CDNF: variants seen among roughly 807,000 people sequenced by gnomAD.
CDNF encodes the protein cerebral dopamine neurotrophic factor, also known as ARMET-like protein 1.
Under a neutral mutation model 14.8 loss-of-function variants are expected in CDNF, and 9 were observed. That is an observed-to-expected ratio of 0.61 (90% confidence interval 0.37 to 1.06). The LOEUF is 1.06. Among genes scored for constraint, CDNF ranks in the 50% least tolerant of loss-of-function variants. The pLI is 0.01. For synonymous variants in CDNF, 86 were observed against 87.2 expected, an observed-to-expected ratio of 0.99 and a Z score of 0.07; for missense variants, 228 against 228.4, an observed-to-expected ratio of 1.00 and a Z score of 0.01.
rs1013519611 is a variant in CDNF at position 14,828,071 on chromosome 10, C to T, written c.243+74G>A. The T allele has an allele frequency of 2.8e-5, 42 of 1,489,468 alleles. No homozygotes were observed. The African/African-American group carries it at 5.7e-4, about 20-fold the overall frequency. The allele number at this position is 1,489,468 out of a possible 1,614,324, so 92.3% of individuals were successfully genotyped here. ...GGCAAACATGTAAGTAGGAGGACTT[C>T]ACGTCTAAGAAATGAAACTATTAGC... On this transcript the variant is annotated intron_variant, in intron 2 of 3. Coordinates refer to ENST00000465530, the MANE Select transcript of CDNF (RefSeq NM_001029954.3).
rs1564312599 is a variant in CDNF, at chr10:14,823,787, A to G, written c.385+1692T>C. The stretch of plus-strand genomic sequence containing the variant: ...AATGATCCTCCTTTCTTGGCCTCCC[A>G]AAGTGCTGAGGTTACAAGTGTGAGC... On this transcript the variant is annotated intron_variant, in intron 3 of 3. Coordinates refer to ENST00000465530, the MANE Select transcript of CDNF (RefSeq NM_001029954.3). Among the ~76,000 whole-genome samples the G allele has an allele frequency of 2.0e-5, 3 of 152,196 alleles. 1 individual carries two copies. Among genetic ancestry groups the G allele is most frequent in the Admixed American group, 2.0e-4 (3 of 15,282 alleles).
chr10:14,833,150 T>C (rs968073892), intron 1 of CDNF, among the ~76,000 whole-genome samples: 3 of 152,160 alleles, frequency 2.0e-5, no homozygotes, highest in Admixed American at 1.3e-4. Context: ...TGAGCCACCA[T>C]GCCTGGCCAG....
intron 2 of CDNF, among the ~76,000 whole-genome samples, chr10:14,826,251 A>C (rs1231876202): frequency 1.3e-5 from 2 of 151,682 alleles, no homozygotes; most frequent in Non-Finnish European, 2.9e-5. Context: ...GAAGAAGCAT[A>C]AGAAGCAGTA....
At chr10:14,823,089 C>T (rs949033878) in intron 3 of CDNF, among the ~76,000 whole-genome samples, 2 of 151,304 alleles carry the variant, frequency 1.3e-5, no homozygotes, top group Non-Finnish European at 2.9e-5. Flanking sequence ...TCTCCCACAG[C>T]ACAAAGGTCC....
chr10:14,819,873 T>C lies in CDNF; in HGVS notation c.*107A>G, dbSNP rs896845068. ...AGGAATAATACCAACACAAAAAGCA[T>C]GAGACCAAATATGATGCATTCCCAG... On this transcript the variant is annotated 3_prime_UTR_variant, in exon 4 of 4. Coordinates refer to ENST00000465530, the MANE Select transcript of CDNF (RefSeq NM_001029954.3). The C allele has an allele frequency of 8.8e-7, 1 of 1,138,560 alleles. No individual in the cohort carries two copies. Among genetic ancestry groups the C allele is most frequent in the East Asian group, 2.4e-5 (1 of 40,960 alleles). The allele number at this position is 1,138,560 out of a possible 1,614,324, so 70.5% of individuals were successfully genotyped here. A position where few individuals can be genotyped will look rare whatever the true frequency, so the allele number is the denominator to read the frequency against.
intron 1 of CDNF, among the ~76,000 whole-genome samples, chr10:14,830,967 T>C (rs1833839490): frequency 6.6e-6 from 1 of 152,230 alleles, no homozygotes; most frequent in Non-Finnish European, 1.5e-5. Flanking sequence ...ATCATCCTAG[T>C]AGTGTGAATG....
intron 1 of CDNF, among the ~76,000 whole-genome samples, chr10:14,834,571 G>C (rs1411469870): frequency 6.6e-6 from 1 of 152,078 alleles, no homozygotes; most frequent in Non-Finnish European, 1.5e-5. Flanking sequence ...ATCTACATTT[G>C]ACTCACTAAA....
chr10:14,821,336 C>T (rs1001097271), intron 3 of CDNF, among the ~76,000 whole-genome samples: 10 of 152,186 alleles, frequency 6.6e-5, no homozygotes, highest in African/African-American at 2.4e-4. Context: ...GTTGGCAAAG[C>T]TGATCTTGAA....
At position 14,837,851 on chromosome 10, in the gene CDNF, C is replaced by T; in HGVS notation, c.96G>A (p.Arg32=). ...VLTQGQEAGG[R]PGADCEVCKE... ...GCTCACCTTCACAGTCGGCCCCTGG[C>T]CGCCCCCCGGCCTCCTGGCCCTGCG... Residue 32 remains arginine (R), a synonymous_variant, in exon 1 of 4, where the codon CGG becomes CGA. Coordinates refer to ENST00000465530, the MANE Select transcript of CDNF (RefSeq NM_001029954.3). 4 of 1,595,986 alleles carry T rather than the reference C, an allele frequency of 2.5e-6. No individual in the cohort carries two copies. The highest frequency in any genetic ancestry group is 3.4e-6 in the Non-Finnish European group (4 of 1,173,752).
chr10:14,819,810 T>C lies in CDNF; in HGVS notation c.*170A>G. On this transcript the variant is annotated 3_prime_UTR_variant, in exon 4 of 4. Coordinates refer to ENST00000465530, the MANE Select transcript of CDNF (RefSeq NM_001029954.3). Reference sequence around the variant, plus strand: ...CACTGCAAATGTAAGTTATCAGTAGTATTAGTTTCACTCATAAACCCACGT... The same window carrying C: ...CACTGCAAATGTAAGTTATCAGTAGCATTAGTTTCACTCATAAACCCACGT... 1.6e-6 allele frequency: 1 copy of C among 635,676 alleles called. No individual in the cohort carries two copies. The highest frequency in any genetic ancestry group is 2.2e-5 in the South Asian group (1 of 45,422). The allele number at this position is 635,676 out of a possible 1,614,324, so 39.4% of individuals were successfully genotyped here.
At chr10:14,823,537 T>A (rs576643432) in intron 3 of CDNF, among the ~76,000 whole-genome samples, 31 of 152,186 alleles carry the variant, frequency 2.0e-4, no homozygotes, top group Admixed American at 3.3e-4. Context: ...TTTTATCTAT[T>A]TATTTTTCAG....
At chr10:14,821,632 CA>C (rs1376352487) in intron 3 of CDNF, among the ~76,000 whole-genome samples, 3 of 152,164 alleles carry the variant, frequency 2.0e-5, no homozygotes, top group African/African-American at 7.2e-5. Context: ...ACAGTGTATA[CA>C]AAGTTATTGG....
At chr10:14,824,037 C>T (rs939769602) in intron 3 of CDNF, among the ~76,000 whole-genome samples, 3 of 152,168 alleles carry the variant, frequency 2.0e-5, no homozygotes, top group African/African-American at 2.4e-5. Flanking sequence ...GACTATTACA[C>T]GGCTGTGTTG....
At chr10:14,834,405 T>C (rs1833869868) in intron 1 of CDNF, 1 of 152,006 alleles carries the variant, frequency 6.6e-6, no homozygotes, top group Non-Finnish European at 1.5e-5. Flanking sequence ...CTAATTCTTG[T>C]CTCCTACAAA....
At chr10:14,828,743 C>T (rs1244316081) in intron 1 of CDNF, among the ~76,000 whole-genome samples, 2 of 152,028 alleles carry the variant, frequency 1.3e-5, no homozygotes. Flanking sequence ...TGGTGGCTCA[C>T]ACCTGTAATC....
intron 1 of CDNF, among the ~76,000 whole-genome samples, chr10:14,831,760 G>C (rs538948818): frequency 2.6e-5 from 4 of 152,108 alleles, no homozygotes; most frequent in South Asian, 2.1e-4. Context: ...ATTTTTAGTA[G>C]AGACAGGGTT....
intron 1 of CDNF, among the ~76,000 whole-genome samples, chr10:14,831,356 C>G (rs1833841822): frequency 6.6e-6 from 1 of 151,980 alleles, no homozygotes; most frequent in East Asian, 1.9e-4. Flanking sequence ...TCTGGGTATG[C>G]CTTCCCAACT....
intron 2 of CDNF, among the ~76,000 whole-genome samples, chr10:14,826,029 GAGAAGAAGAAGAAGAAGAAGAAGA>G (rs57619992): frequency 7.3e-4 from 63 of 86,208 alleles, no homozygotes; most frequent in East Asian, 3.6e-3. Flanking sequence ...GAAGAAGAAG[GAGAAGAAGAAGAAGAAGAAGAAGA>G]AGAAGAAGAA....
intron 1 of CDNF, among the ~76,000 whole-genome samples, chr10:14,829,670 C>T (rs1468556999): frequency 6.6e-6 from 1 of 152,072 alleles, no homozygotes; most frequent in Non-Finnish European, 1.5e-5. Flanking sequence ...GCTCTGTTCA[C>T]CCAGGCTTAA....
Sources: gnomAD v4.1 joint callset for allele counts (sites outside exome capture counted in the v4.1 genomes callset) on GRCh38, gnomAD v4.1.1 for gene constraint, MANE v1.5 for transcripts, NCBI Gene and HGNC (gene_info 2026-07-23, HGNC 2026-07-21) for gene names.